The following ITGBL1 variants were observed in gnomAD, a reference collection of about 807,000 sequenced individuals.
ITGBL1 encodes integrin subunit beta like 1.
ITGBL1 carries 51 observed loss-of-function variants against 68.5 expected under a neutral mutation model. The ratio of observed to expected loss-of-function variants is 0.74; its 90% CI spans 0.59 to 0.94. ITGBL1 has a LOEUF of 0.94. Among genes scored for constraint, ITGBL1 ranks in the 40% least tolerant of loss-of-function variants. The probability of loss-of-function intolerance (pLI) is 0.00; values close to 1 mark genes in which losing one functional copy is unlikely to be tolerated. For synonymous variants in ITGBL1, 209 were observed against 227.3 expected (o/e 0.92, Z 0.72); for missense variants, 649 against 647.4 (o/e 1.00, Z -0.03).
At chr13:101,626,261 C>T (rs1177948616) in intron 7 of ITGBL1, among the ~76,000 whole-genome samples, 1 of 152,206 alleles carries the variant, frequency 6.6e-6, no homozygotes, top group Non-Finnish European at 1.5e-5. Context: ...ATGAAGATCA[C>T]TACCACCCAT....
intron 7 of ITGBL1, among the ~76,000 whole-genome samples, chr13:101,681,262 C>T (rs1282438935): frequency 1.3e-5 from 2 of 152,028 alleles, no homozygotes; most frequent in South Asian, 2.1e-4. Context: ...AGGGAAGAAA[C>T]GTATGTGTAT....
At chr13:101,720,027 C>A (rs1274757032), downstream of ITGBL1, 1 of 152,086 alleles carries the variant, frequency 6.6e-6, no homozygotes, top group Non-Finnish European at 1.5e-5. Context: ...CATTTTGTTA[C>A]ATAAAGTTGT....
chr13:101,539,254 C>T (rs1386467054), intron 2 of ITGBL1, among the ~76,000 whole-genome samples: 10 of 145,620 alleles, frequency 6.9e-5, no homozygotes, highest in Admixed American at 1.4e-4. Context: ...TTCCTGTGTC[C>T]ATGTGTTCTC....
intron 2 of ITGBL1, among the ~76,000 whole-genome samples, chr13:101,525,393 A>T (rs574682562): frequency 6.6e-6 from 1 of 152,160 alleles, no homozygotes; most frequent in Admixed American, 6.6e-5. Flanking sequence ...AGAGTACTAT[A>T]AAAAAAGTTA....
At chr13:101,666,178 G>C (rs2033211718) in intron 7 of ITGBL1, among the ~76,000 whole-genome samples, 1 of 152,046 alleles carries the variant, frequency 6.6e-6, no homozygotes, top group Non-Finnish European at 1.5e-5. Flanking sequence ...TCAAGAAATG[G>C]GACAGAAGTA....
chr13:101,685,926 A>G (rs1483732460), intron 7 of ITGBL1, among the ~76,000 whole-genome samples: 1 of 152,140 alleles, frequency 6.6e-6, no homozygotes, highest in Non-Finnish European at 1.5e-5. Flanking sequence ...TCAACTCTCA[A>G]AAGCTTCTGA....
intron 7 of ITGBL1, among the ~76,000 whole-genome samples, chr13:101,677,369 A>C (rs1438821104): frequency 6.6e-6 from 1 of 152,214 alleles, no homozygotes; most frequent in African/African-American, 2.4e-5. Flanking sequence ...CTGTTCAGAC[A>C]CTGTACCACA....
chr13:101,569,367 A>T (rs911294967), intron 3 of ITGBL1, among the ~76,000 whole-genome samples: 11 of 152,206 alleles, frequency 7.2e-5, no homozygotes, highest in African/African-American at 2.7e-4. Flanking sequence ...CCACATTAAC[A>T]TATCTTAAAG....
chr13:101,700,098 G>T (rs1456163299), intron 8 of ITGBL1, among the ~76,000 whole-genome samples: 1 of 152,132 alleles, frequency 6.6e-6, no homozygotes, highest in Non-Finnish European at 1.5e-5. Flanking sequence ...GCTCTAACAT[G>T]TGTATGCCTA....
chr13:101,570,676 A>G (rs2050257903), intron 3 of ITGBL1, among the ~76,000 whole-genome samples: 1 of 152,182 alleles, frequency 6.6e-6, no homozygotes, highest in South Asian at 2.1e-4. Context: ...GTGAACAGAA[A>G]AAGAAAGCAA....
intron 7 of ITGBL1, among the ~76,000 whole-genome samples, chr13:101,687,631 C>A (rs975010464): frequency 1.3e-5 from 2 of 151,996 alleles, no homozygotes; most frequent in East Asian, 1.9e-4. Context: ...AAATATAATT[C>A]ATAAAAAATG....
At chr13:101,658,596 T>C (rs1336739570) in intron 7 of ITGBL1, among the ~76,000 whole-genome samples, 2 of 152,172 alleles carry the variant, frequency 1.3e-5, no homozygotes, top group African/African-American at 4.8e-5. Context: ...TATATACTTA[T>C]ATTAAAATTT....
chr13:101,527,820 C>A (rs1594867631), intron 2 of ITGBL1, among the ~76,000 whole-genome samples: 1 of 151,930 alleles, frequency 6.6e-6, no homozygotes, highest in African/African-American at 2.4e-5. Flanking sequence ...CATTTATATA[C>A]ATTCATTTGG....
intron 3 of ITGBL1, among the ~76,000 whole-genome samples, chr13:101,568,676 C>T (rs1181623416): frequency 6.6e-6 from 1 of 151,998 alleles, no homozygotes; most frequent in African/African-American, 2.4e-5. Context: ...TGACCCATTG[C>T]TCTAAATGCT....
intron 9 of ITGBL1, chr13:101,712,447 AG>A (rs1202712665): frequency 6.6e-6 from 1 of 152,226 alleles, no homozygotes; most frequent in African/African-American, 2.4e-5. Context: ...TCCAGAAGCA[AG>A]AGCAGTGATT....
intron 7 of ITGBL1, among the ~76,000 whole-genome samples, chr13:101,636,753 A>G (rs2032182669): frequency 6.6e-6 from 1 of 152,090 alleles, no homozygotes; most frequent in African/African-American, 2.4e-5. Context: ...GGTCCTGGTG[A>G]TTTTCAATAT....
intron 2 of ITGBL1, among the ~76,000 whole-genome samples, chr13:101,505,017 C>T (rs1420164986): frequency 1.3e-5 from 2 of 152,166 alleles, no homozygotes; most frequent in Non-Finnish European, 2.9e-5. Flanking sequence ...GTGTTTAATA[C>T]TGAGGCGTTT....
intron 7 of ITGBL1, among the ~76,000 whole-genome samples, chr13:101,688,317 G>GGT (rs1351960945): frequency 6.6e-6 from 1 of 152,116 alleles, no homozygotes; most frequent in African/African-American, 2.4e-5. Context: ...GGATCAGAAA[G>GGT]GTGACAATTC....
intron 7 of ITGBL1, among the ~76,000 whole-genome samples, chr13:101,660,372 C>A (rs2033051597): frequency 6.6e-6 from 1 of 152,010 alleles, no homozygotes; most frequent in Admixed American, 6.6e-5. Flanking sequence ...AGCCACAGGA[C>A]TCAGGACTGG....
Sources: allele counts gnomAD v4.1 joint callset (sites outside exome capture counted in the v4.1 genomes callset), GRCh38; gene constraint gnomAD v4.1.1; transcripts MANE v1.5; gene names NCBI Gene and HGNC (gene_info 2026-07-23, HGNC 2026-07-21).